The following DIP2C variants were observed in gnomAD, a reference collection of about 807,000 sequenced individuals.
The protein encoded by DIP2C is disco-interacting protein 2 homolog C.
In DIP2C, 33 loss-of-function variants were observed where a neutral mutation model predicts 192.4. The ratio of observed to expected loss-of-function variants is 0.17; its 90% CI spans 0.13 to 0.23. The LOEUF is 0.23. DIP2C is among the 10% of genes least tolerant of loss of function. The probability of loss-of-function intolerance (pLI) is 1.00; values close to 1 mark genes in which losing one functional copy is unlikely to be tolerated. For synonymous variants in DIP2C, 979 were observed against 864.1 expected (o/e 1.13, Z -2.33); for missense variants, 1,537 against 2,110.1 (o/e 0.73, Z 5.32).
rs1176639427 is a variant in DIP2C at position 276,182 on chromosome 10, A to T, written c.*1143T>A. 6.5e-6 allele frequency: 1 copy of T among 152,706 alleles called. No individual in the cohort carries two copies. Among genetic ancestry groups the T allele is most frequent in the Non-Finnish European group, 1.5e-5 (1 of 68,050 alleles). 9.5% of individuals were successfully genotyped at this position (152,706 alleles called of 1,614,324 possible). On this transcript the variant is annotated 3_prime_UTR_variant, in exon 37 of 37. Coordinates refer to ENST00000280886, the MANE Select transcript of DIP2C (RefSeq NM_014974.3). ...TGCCAACCTAAAGCCCCTCAGTATC[A>T]TCAGCACACGCTGGCATAAACACAT...
rs112770169 is a variant in DIP2C at position 603,898 on chromosome 10, C to T, written c.85+85596G>A. ...CTTGGCTCACAGCCCCACACCCCTC[C>T]GACCACTGCCCCAGCCTCAGCCCCA... On this transcript the variant is annotated intron_variant, in intron 1 of 36. Transcript: ENST00000280886. Among the ~76,000 whole-genome samples, 356 of 151,976 alleles carry T rather than the reference C, an allele frequency of 2.3e-3. 1 individual carries two copies. Among genetic ancestry groups the T allele is most frequent in the African/African-American group, 8.2e-3 (340 of 41,428 alleles).
chr10:416,932 C>G (rs1965679878), intron 6 of DIP2C, among the ~76,000 whole-genome samples: 1 of 152,196 alleles, frequency 6.6e-6, no homozygotes, highest in Non-Finnish European at 1.5e-5. Flanking sequence ...AAAAAACAGA[C>G]TTCAACATTT....
In DIP2C at chr10:455,330, G is replaced by A. The variant is rs562602049; in HGVS notation, c.269-14334C>T. 2.9e-3 allele frequency among the ~76,000 whole-genome samples: 403 copies of A among 139,902 alleles called. 9 individuals carry two copies. The highest frequency in any genetic ancestry group is 8.3e-3 in the African/African-American group (327 of 39,194). The allele number at this position is 139,902 out of a possible 152,430, so 91.8% of individuals were successfully genotyped here. On this transcript the variant is annotated intron_variant, in intron 3 of 36. Transcript: ENST00000280886. ...GTGAGTCCCTGCCTGAGGGGAGACC[G>A]TGAGGAATAAATGAGATGAAAACAC...
chr10:378,420 C>T (rs1961900837), intron 17 of DIP2C, among the ~76,000 whole-genome samples: 1 of 152,208 alleles, frequency 6.6e-6, no homozygotes, highest in Non-Finnish European at 1.5e-5. Context: ...TGAAGGCATG[C>T]ATGCATGAAC....
chr10:471,464 C>T (rs1163557366), intron 3 of DIP2C, among the ~76,000 whole-genome samples: 1 of 152,156 alleles, frequency 6.6e-6, no homozygotes, highest in Non-Finnish European at 1.5e-5. Flanking sequence ...TGAGTTCCGT[C>T]ATCCCTTAGC....
At chr10:570,305 G>C (rs569804213) in intron 1 of DIP2C, among the ~76,000 whole-genome samples, 1 of 152,146 alleles carries the variant, frequency 6.6e-6, no homozygotes, top group South Asian at 2.1e-4. Context: ...TATGGATCAG[G>C]AAACAGTTTT....
intron 1 of DIP2C, among the ~76,000 whole-genome samples, chr10:675,200 A>G (rs1459506649): frequency 6.6e-6 from 1 of 152,220 alleles, no homozygotes; most frequent in Non-Finnish European, 1.5e-5. Flanking sequence ...CAGTGGGTCA[A>G]TGAAGAAATT....
At chr10:593,339 G>A (rs1053465028) in intron 1 of DIP2C, among the ~76,000 whole-genome samples, 1 of 152,108 alleles carries the variant, frequency 6.6e-6, no homozygotes, top group Non-Finnish European at 1.5e-5. Flanking sequence ...TTACCCCAGA[G>A]AGTCCCAATT....
At chr10:578,975 T>C (rs565952167) in intron 1 of DIP2C, among the ~76,000 whole-genome samples, 4 of 152,222 alleles carry the variant, frequency 2.6e-5, no homozygotes, top group East Asian at 3.9e-4. Context: ...TCCAGATCCA[T>C]GTAGTGTACA....
intron 26 of DIP2C, among the ~76,000 whole-genome samples, chr10:347,888 C>G (rs1958590060): frequency 1.5e-5 from 2 of 132,392 alleles, no homozygotes; most frequent in Admixed American, 1.5e-4. Flanking sequence ...GGAAACCCCA[C>G]ACGCACCCAG....
At chr10:576,376 G>A (rs1294591353) in intron 1 of DIP2C, among the ~76,000 whole-genome samples, 1 of 152,288 alleles carries the variant, frequency 6.6e-6, no homozygotes, top group East Asian at 1.9e-4. Flanking sequence ...AAGCGTTCAG[G>A]GTACAGGAGT....
intron 29 of DIP2C, among the ~76,000 whole-genome samples, chr10:335,179 A>C (rs1957701926): frequency 6.6e-6 from 1 of 152,258 alleles, no homozygotes; most frequent in Admixed American, 6.5e-5. Flanking sequence ...CTATGACAGA[A>C]GAAAGCTTTA....
chr10:568,342 A>G (rs1175698639), intron 1 of DIP2C, among the ~76,000 whole-genome samples: 1 of 152,198 alleles, frequency 6.6e-6, no homozygotes, highest in Non-Finnish European at 1.5e-5. Flanking sequence ...TCAGAGCTAG[A>G]GTTCTACCGT....
At chr10:380,228 C>T (rs1029915040) in intron 17 of DIP2C, among the ~76,000 whole-genome samples, 4 of 146,850 alleles carry the variant, frequency 2.7e-5, no homozygotes, top group Middle Eastern at 4.0e-3. Context: ...ATGGTTAAGA[C>T]GAAGAAGAGG....
intron 31 of DIP2C, among the ~76,000 whole-genome samples, chr10:320,360 T>C (rs1956951398): frequency 6.6e-6 from 1 of 151,546 alleles, no homozygotes; most frequent in African/African-American, 2.4e-5. Context: ...ATACAAAAAT[T>C]AGCTCGGCGA....
At position 474,943 on chromosome 10, in the gene DIP2C, G is replaced by A. The variant is rs558777255; in HGVS notation, c.158-2394C>T. 4.6e-5 allele frequency among the ~76,000 whole-genome samples: 7 copies of A among 151,910 alleles called. No individual in the cohort carries two copies. The East Asian group carries it at 5.8e-4, about 13-fold the overall frequency. ...TATCCATTCCTTTCTTTTCTCCCTC[G>A]ATAATCTTTTTGCTGCAAATCAGGT... On this transcript the variant is annotated intron_variant, in intron 2 of 36. Coordinates refer to ENST00000280886, the MANE Select transcript of DIP2C (RefSeq NM_014974.3).
chr10:493,476 G>C (rs940251322), intron 1 of DIP2C, among the ~76,000 whole-genome samples: 10 of 152,306 alleles, frequency 6.6e-5, no homozygotes, highest in African/African-American at 2.4e-4. Context: ...GCAAGGTAGG[G>C]ACAATGAAGC....
At chr10:391,096 G>A (rs1021531415) in intron 10 of DIP2C, among the ~76,000 whole-genome samples, 3 of 152,192 alleles carry the variant, frequency 2.0e-5, no homozygotes, top group African/African-American at 7.2e-5. Context: ...TTTGTTGAGG[G>A]ATAAATTAGA....
chr10:523,484 GGATGCAGGGACTCTGTGTCAC>G (rs1846854874), intron 1 of DIP2C, among the ~76,000 whole-genome samples: 2 of 71,958 alleles, frequency 2.8e-5, no homozygotes, highest in Admixed American at 3.0e-4. Context: ...CCTGGAGTGA[GGATGCAGGGACTCTGTGTCAC>G]CCACACACTC....
Sources: allele counts gnomAD v4.1 joint callset (sites outside exome capture counted in the v4.1 genomes callset), GRCh38; gene constraint gnomAD v4.1.1; transcripts MANE v1.5; gene names NCBI Gene and HGNC (gene_info 2026-07-23, HGNC 2026-07-21).